Variants in LRP1B observed in about 807,000 individuals in gnomAD.
LRP1B encodes LDL receptor related protein 1B, also known as low-density lipoprotein receptor-related protein 1B.
In LRP1B, 217 loss-of-function variants were observed where a neutral mutation model predicts 556.6. The ratio of observed to expected loss-of-function variants is 0.39; its 90% CI spans 0.35 to 0.44. The LOEUF (loss-of-function observed/expected upper bound fraction) is 0.44, where lower values mean the gene tolerates loss of function less well. Ranked by LOEUF, LRP1B falls within the 20% of genes least tolerant of loss-of-function variation. The probability of loss-of-function intolerance (pLI) is 1.00; values close to 1 mark genes in which losing one functional copy is unlikely to be tolerated. For missense variants in LRP1B, 5,053 were observed against 5,620.8 expected, an observed-to-expected ratio of 0.90 and a Z score of 3.23; for synonymous variants, 2,047 against 1,865.8, an observed-to-expected ratio of 1.10 and a Z score of -2.50.
At chr2:140,612,918 T>G (rs1574142914) in intron 41 of LRP1B, among the ~76,000 whole-genome samples, 1 of 152,066 alleles carries the variant, frequency 6.6e-6, no homozygotes, top group Non-Finnish European at 1.5e-5. Flanking sequence ...GCACCACTTT[T>G]GCTTGGCATT....
chr2:142,071,537 T>C (rs1212024382), intron 1 of LRP1B, among the ~76,000 whole-genome samples: 1 of 152,142 alleles, frequency 6.6e-6, no homozygotes, highest in African/African-American at 2.4e-5. Context: ...GGAAATTACA[T>C]GAAATTTAAA....
At chr2:140,923,400 T>C (rs1694800264) in intron 20 of LRP1B, among the ~76,000 whole-genome samples, 1 of 152,114 alleles carries the variant, frequency 6.6e-6, no homozygotes, top group African/African-American at 2.4e-5. Flanking sequence ...CTGAAAGTAC[T>C]ATGTACATTA....
At chr2:141,265,126 A>G (rs960799104) in intron 3 of LRP1B, among the ~76,000 whole-genome samples, 1 of 152,138 alleles carries the variant, frequency 6.6e-6, no homozygotes, top group African/African-American at 2.4e-5. Flanking sequence ...AATGGCTGAA[A>G]CCACAAACAG....
intron 3 of LRP1B, among the ~76,000 whole-genome samples, chr2:141,365,875 G>A (rs547925806): frequency 3.9e-5 from 6 of 151,944 alleles, no homozygotes; most frequent in Admixed American, 1.3e-4. Context: ...GGGTTTCACC[G>A]TGTTAGCCAG....
At chr2:140,790,930 G>A (rs1310733432) in intron 32 of LRP1B, among the ~76,000 whole-genome samples, 1 of 142,628 alleles carries the variant, frequency 7.0e-6, no homozygotes, top group East Asian at 2.1e-4. Flanking sequence ...GCAAGACACT[G>A]TCTCTACAAA....
At chr2:141,041,948 C>A (rs1303690220) in intron 11 of LRP1B, among the ~76,000 whole-genome samples, 4 of 152,028 alleles carry the variant, frequency 2.6e-5, no homozygotes. Context: ...ACTGGCAAGT[C>A]CCCTTTTCCA....
At chr2:140,759,546 G>C (rs1688847594) in intron 35 of LRP1B, among the ~76,000 whole-genome samples, 1 of 152,124 alleles carries the variant, frequency 6.6e-6, no homozygotes, top group African/African-American at 2.4e-5. Flanking sequence ...GACACATTGA[G>C]TTAGCCATAG....
chr2:140,748,625 A>ATT (rs1688436199), intron 35 of LRP1B, among the ~76,000 whole-genome samples: 3 of 111,966 alleles, frequency 2.7e-5, no homozygotes, highest in Admixed American at 1.1e-4. Flanking sequence ...ATATATATAT[A>ATT]TTCGTATATA....
intron 20 of LRP1B, among the ~76,000 whole-genome samples, chr2:140,933,823 T>C (rs1454169401): frequency 6.6e-6 from 1 of 152,072 alleles, no homozygotes; most frequent in Non-Finnish European, 1.5e-5. Context: ...TTAATTTTCA[T>C]GATAAGCACA....
At chr2:140,773,304 A>C (rs1689380753) in intron 33 of LRP1B, among the ~76,000 whole-genome samples, 1 of 152,068 alleles carries the variant, frequency 6.6e-6, no homozygotes, top group South Asian at 2.1e-4. Context: ...GTCTCTGCTA[A>C]AAAATCCAAA....
chr2:141,415,866 T>A (rs1691081174), intron 3 of LRP1B, among the ~76,000 whole-genome samples: 1 of 152,216 alleles, frequency 6.6e-6, no homozygotes, highest in Non-Finnish European at 1.5e-5. Flanking sequence ...CTAAAACTAT[T>A]AACATCTTAG....
intron 41 of LRP1B, among the ~76,000 whole-genome samples, chr2:140,624,134 T>C (rs1359434080): frequency 7.2e-5 from 11 of 151,874 alleles, no homozygotes; most frequent in Admixed American, 6.6e-4. Context: ...AGGTTGCTTG[T>C]TGTCAAGAAG....
At chr2:141,935,359 A>G (rs1022981450) in intron 1 of LRP1B, among the ~76,000 whole-genome samples, 1 of 152,184 alleles carries the variant, frequency 6.6e-6, no homozygotes, top group Non-Finnish European at 1.5e-5. Context: ...CTGAGTTTAT[A>G]CAGTTAGTGT....
chr2:140,510,159 C>T, intron 51 of LRP1B, 103 bp from the exon 52 acceptor site: 1 of 1,300,530 alleles, frequency 7.7e-7, no homozygotes, highest in South Asian at 1.4e-5. Flanking sequence ...AAGAATGTTG[C>T]TTATAAGGAG....
intron 1 of LRP1B, among the ~76,000 whole-genome samples, chr2:141,893,470 G>T (rs954023241): frequency 2.0e-5 from 3 of 148,908 alleles, no homozygotes; most frequent in Admixed American, 1.4e-4. Context: ...CAAACTGCTG[G>T]GATTACAAGC....
At chr2:141,750,037 C>T (rs1244924380) in intron 2 of LRP1B, among the ~76,000 whole-genome samples, 1 of 152,076 alleles carries the variant, frequency 6.6e-6, no homozygotes, top group Admixed American at 6.6e-5. Flanking sequence ...AAATCAATAG[C>T]CAGTGAGTGC....
chr2:140,789,618 CTTTTTTTTTTTTT>C (rs756120273), intron 32 of LRP1B, among the ~76,000 whole-genome samples: 52 of 71,762 alleles, frequency 7.2e-4, no homozygotes, highest in Non-Finnish European at 1.0e-3. Flanking sequence ...GCTTTAAGGA[CTTTTTTTTTTTTT>C]TTTTTTTTTT....
At chr2:142,032,947 GA>G (rs1703756880) in intron 1 of LRP1B, among the ~76,000 whole-genome samples, 1 of 151,814 alleles carries the variant, frequency 6.6e-6, no homozygotes. Flanking sequence ...CTTCCTTGAG[GA>G]AAATCTTTTG....
intron 2 of LRP1B, among the ~76,000 whole-genome samples, chr2:141,595,332 T>C (rs1273849612): frequency 6.6e-6 from 1 of 152,068 alleles, no homozygotes; most frequent in Non-Finnish European, 1.5e-5. Flanking sequence ...TAAGAGTCAA[T>C]GTAATTGTGT....
Sources: allele counts gnomAD v4.1 joint callset (sites outside exome capture counted in the v4.1 genomes callset), GRCh38; gene constraint gnomAD v4.1.1; transcripts MANE v1.5; gene names NCBI Gene and HGNC (gene_info 2026-07-23, HGNC 2026-07-21).